Variants in RPS6KC1 observed in about 807,000 individuals in gnomAD.
The protein encoded by RPS6KC1 is ribosomal protein S6 kinase C1.
Under a neutral mutation model 103.8 loss-of-function variants are expected in RPS6KC1, and 54 were observed. That is an observed-to-expected ratio of 0.52 (90% CI 0.42 to 0.65). RPS6KC1 has a LOEUF of 0.65. Among genes scored for constraint, RPS6KC1 ranks in the 30% least tolerant of loss-of-function variants. RPS6KC1 has a pLI of 0.00. For synonymous variants in RPS6KC1, 439 were observed against 438.7 expected (o/e 1.00, Z -0.01); for missense variants, 1,151 against 1,253.8 (o/e 0.92, Z 1.24).
the RPS6KC1 span, among the ~76,000 whole-genome samples, chr1:213,583,293 C>A: frequency 6.6e-6 from 1 of 152,138 alleles, no homozygotes; most frequent in Admixed American, 6.5e-5. Flanking sequence ...AAGTGCTGGG[C>A]TGCATAGTAA....
At chr1:213,325,016 C>G in the RPS6KC1 span, among the ~76,000 whole-genome samples, 1 of 152,166 alleles carries the variant, frequency 6.6e-6, no homozygotes, top group Non-Finnish European at 1.5e-5. Flanking sequence ...AGCCCTGCCC[C>G]CTTTCTGCAC....
chr1:213,213,655 A>C (rs968490526), intron 8 of RPS6KC1, among the ~76,000 whole-genome samples: 2 of 152,212 alleles, frequency 1.3e-5, no homozygotes, highest in Admixed American at 6.5e-5. Flanking sequence ...AACATTGCCA[A>C]TCATATTTCA....
At chr1:213,712,406 G>A in the RPS6KC1 span, among the ~76,000 whole-genome samples, 2 of 152,214 alleles carry the variant, frequency 1.3e-5, no homozygotes, top group African/African-American at 4.8e-5. Flanking sequence ...AGACTGCTGT[G>A]CTGGCAGCAA....
the RPS6KC1 span, among the ~76,000 whole-genome samples, chr1:213,384,775 C>T: frequency 3.3e-5 from 5 of 152,210 alleles, no homozygotes; most frequent in African/African-American, 1.2e-4. Context: ...TGTCCAGGTA[C>T]AGGTATATTC....
At chr1:213,399,130 A>G in the RPS6KC1 span, among the ~76,000 whole-genome samples, 2 of 152,240 alleles carry the variant, frequency 1.3e-5, no homozygotes, top group African/African-American at 4.8e-5. Flanking sequence ...TTCTTCATTC[A>G]TCCAAGAAAT....
At chr1:213,177,790 C>T (rs2091972249) in intron 8 of RPS6KC1, among the ~76,000 whole-genome samples, 1 of 152,172 alleles carries the variant, frequency 6.6e-6, no homozygotes, top group Admixed American at 6.5e-5. Flanking sequence ...GGTACAGTGT[C>T]TGCCCCCTCT....
At chr1:213,475,737 G>A in the RPS6KC1 span, among the ~76,000 whole-genome samples, 1 of 152,310 alleles carries the variant, frequency 6.6e-6, no homozygotes, top group East Asian at 1.9e-4. Context: ...AAGCTCTAGA[G>A]TTTGGAGGTT....
chr1:213,360,162 G>A, the RPS6KC1 span, among the ~76,000 whole-genome samples: 2 of 152,182 alleles, frequency 1.3e-5, no homozygotes, highest in Non-Finnish European at 2.9e-5. Context: ...TTTCCAACTT[G>A]GTTCCATTCT....
chr1:213,105,932 T>C (rs1455742526), intron 4 of RPS6KC1, among the ~76,000 whole-genome samples: 2 of 152,224 alleles, frequency 1.3e-5, no homozygotes, highest in Non-Finnish European at 2.9e-5. Flanking sequence ...ACCTGCCATA[T>C]GGCTAAAAAA....
intron 3 of RPS6KC1, among the ~76,000 whole-genome samples, chr1:213,087,904 C>T (rs542488712): frequency 6.6e-6 from 1 of 152,326 alleles, no homozygotes; most frequent in South Asian, 2.1e-4. Flanking sequence ...ATTTTGGACT[C>T]TAGACCTGGT....
chr1:213,363,786 CTTTCTTTCTTTCTTTCTTTCTTTCTTTCT>C, the RPS6KC1 span, among the ~76,000 whole-genome samples: 3 of 95,268 alleles, frequency 3.1e-5, 1 homozygote, highest in African/African-American at 1.8e-4. Context: ...TTCTTTCTTT[CTTTCTTTCTTTCTTTCTTTCTTTCTTTCT>C]TCTCTCTTTT....
chr1:213,231,149 T>C (rs2094095492), intron 9 of RPS6KC1, among the ~76,000 whole-genome samples: 1 of 152,180 alleles, frequency 6.6e-6, no homozygotes, highest in African/African-American at 2.4e-5. Flanking sequence ...TGTTTGAATG[T>C]GTAGTGTGTT....
At chr1:213,596,007 G>C in the RPS6KC1 span, among the ~76,000 whole-genome samples, 1 of 152,088 alleles carries the variant, frequency 6.6e-6, no homozygotes, top group Non-Finnish European at 1.5e-5. Context: ...AGAACAAAAA[G>C]TAGAAGTGAA....
At chr1:213,356,826 A>G in the RPS6KC1 span, among the ~76,000 whole-genome samples, 1 of 151,910 alleles carries the variant, frequency 6.6e-6, no homozygotes, top group South Asian at 2.1e-4. Context: ...AACTTCTTAG[A>G]TGCTTAGGAG....
At chr1:213,211,715 A>C (rs2093512174) in intron 8 of RPS6KC1, among the ~76,000 whole-genome samples, 1 of 152,196 alleles carries the variant, frequency 6.6e-6, no homozygotes, top group Non-Finnish European at 1.5e-5. Context: ...ATCATTGAGG[A>C]ATGGCTTATG....
chr1:213,531,954 A>G, the RPS6KC1 span, among the ~76,000 whole-genome samples: 1 of 152,156 alleles, frequency 6.6e-6, no homozygotes, highest in African/African-American at 2.4e-5. Flanking sequence ...AAACCCAAAG[A>G]GGCTGGTGCT....
chr1:213,383,415 C>A, the RPS6KC1 span, among the ~76,000 whole-genome samples: 1 of 152,192 alleles, frequency 6.6e-6, no homozygotes, highest in East Asian at 1.9e-4. Context: ...GGCAACATGA[C>A]CTGCGTGAGG....
chr1:213,683,478 A>G, the RPS6KC1 span, among the ~76,000 whole-genome samples: 16 of 152,190 alleles, frequency 1.1e-4, no homozygotes, highest in African/African-American at 3.6e-4. Flanking sequence ...TTTTCACAAA[A>G]TACAGCCTGG....
the RPS6KC1 span, among the ~76,000 whole-genome samples, chr1:213,339,260 C>G: frequency 6.6e-6 from 1 of 151,948 alleles, no homozygotes; most frequent in Non-Finnish European, 1.5e-5. Context: ...GAGCGAAACT[C>G]TGTCTCAAAA....
Sources: allele counts gnomAD v4.1 joint callset (sites outside exome capture counted in the v4.1 genomes callset), GRCh38; gene constraint gnomAD v4.1.1; transcripts MANE v1.5; gene names NCBI Gene and HGNC (gene_info 2026-07-23, HGNC 2026-07-21).